The following MYO1A variants were observed in gnomAD, a reference collection of about 807,000 sequenced individuals.
MYO1A encodes the protein myosin IA.
A neutral mutation model predicts 138.5 loss-of-function variants in MYO1A; 127 were observed. The observed-to-expected ratio is 0.92, with a 90% CI of 0.79 to 1.06. MYO1A has a LOEUF of 1.06. Ranked by LOEUF, MYO1A falls within the 50% of genes least tolerant of loss-of-function variation. MYO1A has a pLI of 0.00. For missense variants in MYO1A, 1,211 were observed against 1,288.8 expected (o/e 0.94, Z 0.92); for synonymous variants, 477 against 497.5 (o/e 0.96, Z 0.55).
rs138932052 is a variant in MYO1A at position 57,038,867 on chromosome 12, C to T, written c.1475G>A (p.Arg492His). ...GAGGCCCATGGTGTGGTCATACTGA[C>T]GCTGGGCATTCTGGGTGACTTTGCT... ...YESKVTQNAQ[R>H]QYDHTMGLSC... Residue 492 changes from arginine to histidine, a missense_variant, in exon 16 of 28, where the codon CGT becomes CAT. Transcript: ENST00000300119. The T allele has an allele frequency of 2.2e-5, 36 of 1,614,068 alleles. No homozygotes were observed. Among genetic ancestry groups the T allele is most frequent in the South Asian group, 1.5e-4 (14 of 91,084 alleles).
In MYO1A at chr12:57,028,665, G is replaced by C. The variant is rs772947997; in HGVS notation, c.*90C>G. On this transcript the variant is annotated 3_prime_UTR_variant, in exon 28 of 28. Transcript: ENST00000300119. ...CCCAAGCCATGCGCCACGATCAGAG[G>C]GGTTAGAGATCCTCCCACACAGGAG... 2.7e-5 allele frequency: 42 copies of C among 1,545,312 alleles called. No individual in the cohort carries two copies. The highest frequency in any genetic ancestry group is 3.4e-5 in the Non-Finnish European group (39 of 1,131,790).
Position 57,048,107 on chromosome 12 carries a change from G to A in MYO1A, c.115-3C>T. ...ATCACCACATTCCCAATGTAGGTCT[G>A]GAGCCAGGAAGAAGGTGAAGGGAAT... On this transcript the variant is annotated splice_polypyrimidine_tract_variant and splice_region_variant and intron_variant, in intron 2 of 27. Coordinates refer to ENST00000300119, the MANE Select transcript of MYO1A (RefSeq NM_005379.4). The A allele has an allele frequency of 6.2e-7, 1 of 1,613,150 alleles. No individual in the cohort carries two copies. The highest frequency in any genetic ancestry group is 8.5e-7 in the Non-Finnish European group (1 of 1,179,072).
intron 16 of MYO1A, 66 bp from the exon 17 acceptor site, chr12:57,038,704 C>G: frequency 1.2e-6 from 2 of 1,608,698 alleles, no homozygotes; most frequent in South Asian, 1.1e-5. Flanking sequence ...CCCTCCCAGT[C>G]TCATTGTGAA....
rs542456169 is a variant in MYO1A, at chr12:57,044,170, T to C, written c.680A>G (p.Tyr227Cys). The C allele has an allele frequency of 2.0e-5, 32 of 1,614,164 alleles. No homozygotes were observed. The African/African-American group carries it at 2.7e-4, about 13-fold the overall frequency. ...KLERDTTGYA[Y>C]LNHEVSRVDG... ...CACTCTGGATACTTCATGATTCAGA[T>C]AGGCATAGCCAGTTGTATCCCGCTC... Residue 227 changes from tyrosine (Y) to cysteine (C), a missense_variant, in exon 9 of 28, where the codon TAT (tyrosine) becomes TGT (cysteine). Tyr to Cys is a radical substitution (Grantham distance 194, BLOSUM62 -2). Transcript: ENST00000300119.
At position 57,044,222 on chromosome 12, in the gene MYO1A, G is replaced by C; in HGVS notation, c.641-13C>G. The C allele has an allele frequency of 6.2e-7, 1 of 1,609,638 alleles. No homozygotes were observed. Among genetic ancestry groups the C allele is most frequent in the Non-Finnish European group, 8.5e-7 (1 of 1,176,654 alleles). ...AGCTTCAGGGCCTCTGGGAGGGCCA[G>C]TGTTGGGGAAGATGGTTAGTACCCA... is the stretch of plus-strand genomic sequence containing the variant. On this transcript the variant is annotated splice_polypyrimidine_tract_variant and intron_variant, in intron 8 of 27. Transcript: ENST00000300119.
chr12:57,030,120 G>A, intron 24 of MYO1A, 90 bp downstream of exon 24: 9 of 1,319,378 alleles, frequency 6.8e-6, no homozygotes, highest in Non-Finnish European at 9.8e-6. Context: ...ACCTGGGGGT[G>A]ACAATCCTGC....
chr12:57,036,855 G>A lies in MYO1A; in HGVS notation c.2206-15C>T. ...CATTTCTTTTGCTGTAGAAAACATAGGAGTTGTTAGAAAAATGGCACCTCC... is the reference window on the plus strand; with the variant it reads ...CATTTCTTTTGCTGTAGAAAACATAAGAGTTGTTAGAAAAATGGCACCTCC... On this transcript the variant is annotated splice_polypyrimidine_tract_variant and intron_variant, in intron 20 of 27. Coordinates refer to ENST00000300119, the MANE Select transcript of MYO1A (RefSeq NM_005379.4). The A allele has an allele frequency of 6.2e-7, 1 of 1,614,192 alleles. No homozygotes were observed. Among genetic ancestry groups the A allele is most frequent in the Non-Finnish European group, 8.5e-7 (1 of 1,180,030 alleles).
Position 57,043,305 on chromosome 12 carries a change from C to T in MYO1A, c.946G>A (p.Ala316Thr), listed in dbSNP as rs749014642. ...VGLNSEEVERALCSRTMETAK... is the reference protein window; with the variant it reads ...VGLNSEEVERTLCSRTMETAK... Reference sequence around the variant, plus strand: ...GTTTCCATGGTCCTCGAGCACAAAGCTCTCTCTACTTCTTCTGAATTCAAG... The same window carrying T: ...GTTTCCATGGTCCTCGAGCACAAAGTTCTCTCTACTTCTTCTGAATTCAAG... Residue 316 changes from alanine (A) to threonine (T), a missense_variant, in exon 11 of 28, where the codon GCT (alanine) becomes ACT (threonine). Physicochemically the swap from Ala to Thr is moderately conservative, Grantham distance 58 (BLOSUM62 0). Transcript: ENST00000300119. 1.1e-5 allele frequency: 17 copies of T among 1,614,060 alleles called. No individual in the cohort carries two copies. Among genetic ancestry groups the T allele is most frequent in the Middle Eastern group, 1.6e-4 (1 of 6,082 alleles).
At position 57,037,996 on chromosome 12, in the gene MYO1A, G is replaced by A; in HGVS notation, c.1834C>T (p.Leu612=). ...SDLVATQARY[L]GLLENVRVRR... ...ACCCGTACGTTCTCCAGCAGTCCCA[G>A]GTACCGAGCCTGGGTTGCCACCAGG... The change falls in exon 18 of 28, where the codon CTG becomes TTG. Residue 612 remains leucine, a synonymous_variant. Coordinates refer to ENST00000300119, the MANE Select transcript of MYO1A (RefSeq NM_005379.4). 3 of 1,614,198 alleles carry A rather than the reference G, an allele frequency of 1.9e-6. No homozygotes were observed. The highest frequency in any genetic ancestry group is 2.5e-6 in the Non-Finnish European group (3 of 1,180,036).
chr12:57,035,281 G>C (rs1458655245), intron 22 of MYO1A, among the ~76,000 whole-genome samples: 1 of 152,226 alleles, frequency 6.6e-6, no homozygotes, highest in Non-Finnish European at 1.5e-5. Flanking sequence ...TGGGAAGGCA[G>C]ACACTCTGGC....
At position 57,038,324 on chromosome 12, in the gene MYO1A, C is replaced by T. The variant is rs902469892; in HGVS notation, c.1760+88G>A. 8.4e-6 allele frequency: 12 copies of T among 1,425,356 alleles called. No individual in the cohort carries two copies. The African/African-American group carries it at 1.5e-4, about 18-fold the overall frequency. 88.3% of individuals were successfully genotyped at this position (1,425,356 alleles called of 1,614,324 possible). A position where few individuals can be genotyped will look rare whatever the true frequency, so the allele number is the denominator to read the frequency against. On this transcript the variant is annotated intron_variant, in intron 17 of 27. Transcript: ENST00000300119. Reference sequence around the variant, plus strand: ...ACCTCTGACATCCTTATTCCAGAAGCACCCCCACATGGACGTGTTCTACAG... The same window carrying T: ...ACCTCTGACATCCTTATTCCAGAAGTACCCCCACATGGACGTGTTCTACAG...
intron 1 of MYO1A, 144 bp from the exon 2 acceptor site, chr12:57,048,487 C>T: frequency 1.5e-6 from 1 of 662,132 alleles, no homozygotes; most frequent in Non-Finnish European, 2.7e-6. Context: ...TAGGAGAGGC[C>T]TCTGGACCAG....
chr12:57,041,536 C>G, intron 12 of MYO1A, 39 bp from the exon 13 acceptor site: 1 of 1,549,742 alleles, frequency 6.5e-7, no homozygotes, highest in Non-Finnish European at 8.9e-7. Flanking sequence ...GACAGGCCCC[C>G]TCTGCACACC....
At chr12:57,029,916 C>G (rs1164045311) in intron 24 of MYO1A, 44 bp from the exon 25 acceptor site, 1 of 1,613,892 alleles carries the variant, frequency 6.2e-7, no homozygotes, top group Non-Finnish European at 8.5e-7. Flanking sequence ...GGCCCAGAGG[C>G]CTCTTCCCCA....
chr12:57,048,410 AG>A, intron 1 of MYO1A, 67 bp from the exon 2 acceptor site: 1 of 954,124 alleles, frequency 1.0e-6, no homozygotes, highest in Non-Finnish European at 1.7e-6. Context: ...GTTTGAGGGG[AG>A]GATGGCAGAA....
At chr12:57,038,202 C>G (rs919539976) in intron 17 of MYO1A, 133 bp from the exon 18 acceptor site, 2 of 1,166,938 alleles carry the variant, frequency 1.7e-6, no homozygotes, top group Non-Finnish European at 2.5e-6. Context: ...ACTGGCCTCC[C>G]CAGTTTCACT....
chr12:57,046,653 G>A lies in MYO1A; in HGVS notation c.542-3C>T. On this transcript the variant is annotated splice_polypyrimidine_tract_variant and splice_region_variant and intron_variant, in intron 7 of 27. Coordinates refer to ENST00000300119, the MANE Select transcript of MYO1A (RefSeq NM_005379.4). ...TAATCGGGATTTCTCAAGCAGATCT[G>A]GCAGAGAATTAGAAAAATAATATCC... The A allele has an allele frequency of 6.2e-7, 1 of 1,612,824 alleles. No individual in the cohort carries two copies. Among genetic ancestry groups the A allele is most frequent in the Non-Finnish European group, 8.5e-7 (1 of 1,178,866 alleles).
chr12:57,048,036 G>A lies in MYO1A; in HGVS notation c.183C>T (p.Phe61=). Residue 61 remains phenylalanine, a synonymous_variant, in exon 3 of 28, where the codon TTC becomes TTT. Coordinates refer to ENST00000300119, the MANE Select transcript of MYO1A (RefSeq NM_005379.4). ...AAGTATAGTCTTGATATTTGGCAAT[G>A]AACTCTGGCCCATAGATGGGAAGCT... ...YQQLPIYGPE[F]IAKYQDYTFY... The A allele has an allele frequency of 6.2e-7, 1 of 1,614,190 alleles. No homozygotes were observed.
rs1187206969 is a variant in MYO1A at position 57,031,046 on chromosome 12, C to T, written c.2478G>A (p.Gln826=). 1.9e-6 allele frequency: 3 copies of T among 1,613,708 alleles called. No homozygotes were observed. The African/African-American group carries it at 4.0e-5, about 22-fold the overall frequency. ...GTGCCTGGGCTCCACTTGCCTTCCACTGGTAGAAGAGCTGCTGCAGCTCCT... is the reference window on the plus strand; with the variant it reads ...GTGCCTGGGCTCCACTTGCCTTCCATTGGTAGAAGAGCTGCTGCAGCTCCT... ...ANQELQQLFY[Q]WKCKRFRDQL... The change falls in exon 23 of 28, where the codon CAG becomes CAA. Residue 826 remains glutamine, a synonymous_variant. Coordinates refer to ENST00000300119, the MANE Select transcript of MYO1A (RefSeq NM_005379.4).
Sources: allele counts gnomAD v4.1 joint callset (sites outside exome capture counted in the v4.1 genomes callset), GRCh38; gene constraint gnomAD v4.1.1; transcripts MANE v1.5; gene names NCBI Gene and HGNC (gene_info 2026-07-23, HGNC 2026-07-21).